The following SLC10A7 variants were observed in gnomAD, a reference collection of about 807,000 sequenced individuals.
The protein encoded by SLC10A7 is sodium/bile acid cotransporter 7.
SLC10A7 carries 29 observed loss-of-function variants against 43.2 expected under a neutral mutation model. The observed-to-expected ratio is 0.67, with a 90% confidence interval of 0.50 to 0.92. The LOEUF is 0.92. Among genes scored for constraint, SLC10A7 ranks in the 40% least tolerant of loss-of-function variants. The probability of loss-of-function intolerance (pLI) is 0.00; values close to 1 mark genes in which losing one functional copy is unlikely to be tolerated. For missense variants in SLC10A7, 295 were observed against 403.2 expected (o/e 0.73, Z 2.30); for synonymous variants, 152 against 144.8 (o/e 1.05, Z -0.35).
chr4:146,514,542 A>C (rs933889756), intron 2 of SLC10A7: 2 of 152,232 alleles, frequency 1.3e-5, no homozygotes, highest in Admixed American at 6.5e-5. Flanking sequence ...TATAATTTTA[A>C]CAAATTACTA....
At chr4:146,303,990 C>A (rs981181988) in intron 7 of SLC10A7, among the ~76,000 whole-genome samples, 13 of 151,362 alleles carry the variant, frequency 8.6e-5, no homozygotes, top group African/African-American at 3.2e-4. Context: ...TAATGTACTG[C>A]TTTCCTAAGA....
chr4:146,517,212 C>T, intron 1 of SLC10A7, 92 bp from the exon 2 acceptor site: 2 of 1,053,612 alleles, frequency 1.9e-6, no homozygotes, highest in Admixed American at 2.2e-5. Flanking sequence ...CCTGTAATCC[C>T]AGCACTTTGG....
chr4:146,469,137 C>G (rs560805635), intron 4 of SLC10A7, among the ~76,000 whole-genome samples: 2 of 152,238 alleles, frequency 1.3e-5, no homozygotes, highest in Admixed American at 1.3e-4. Context: ...CGAACAAACC[C>G]CTCTGTCAAG....
intron 5 of SLC10A7, among the ~76,000 whole-genome samples, chr4:146,439,203 T>C (rs1347243044): frequency 6.6e-6 from 1 of 152,040 alleles, no homozygotes; most frequent in Admixed American, 6.6e-5. Context: ...CCTAGATACA[T>C]TAAAAACAAT....
rs537862500 is a variant in SLC10A7 at position 146,438,795 on chromosome 4, T to C, written c.435+3988A>G. Among the ~76,000 whole-genome samples the C allele has an allele frequency of 2.4e-3, 359 of 152,122 alleles. 3 individuals are homozygous for C. Among genetic ancestry groups the C allele is most frequent in the African/African-American group, 8.3e-3 (343 of 41,560 alleles). On this transcript the variant is annotated intron_variant, in intron 5 of 11. Coordinates refer to ENST00000335472, the MANE Select transcript of SLC10A7 (RefSeq NM_001029998.6). Reference sequence around the variant, plus strand: ...TTTGGCGAATTTGTTTTCAACACAATTGAATCTTTTGAAATTAAAGAAAAA... The same window carrying C: ...TTTGGCGAATTTGTTTTCAACACAACTGAATCTTTTGAAATTAAAGAAAAA...
At chr4:146,366,252 G>C (rs1397277697) in intron 5 of SLC10A7, among the ~76,000 whole-genome samples, 1 of 152,130 alleles carries the variant, frequency 6.6e-6, no homozygotes, top group Non-Finnish European at 1.5e-5. Context: ...AAATTTTTCT[G>C]ATTTTTTAAA....
intron 6 of SLC10A7, among the ~76,000 whole-genome samples, chr4:146,318,540 C>T (rs903188247): frequency 1.3e-5 from 2 of 152,046 alleles, no homozygotes; most frequent in Admixed American, 1.3e-4. Flanking sequence ...AGTGTCCTAG[C>T]ACTTGATCCT....
rs951491965 is a variant in SLC10A7 at position 146,280,976 on chromosome 4, A to G, written c.847+2216T>C. On this transcript the variant is annotated intron_variant, in intron 10 of 11. Transcript: ENST00000335472. ...CAAGACAGCCTATGTCTATCATGTT[A>G]TGAAAGTAGCTAAGGATTACATAGA... Among the ~76,000 whole-genome samples, 10 of 152,294 alleles carry G rather than the reference A, an allele frequency of 6.6e-5. No individual in the cohort carries two copies. In the East Asian group the frequency reaches 1.9e-3, roughly 29 times the overall value.
chr4:146,446,296 G>A (rs1333000558), intron 4 of SLC10A7, among the ~76,000 whole-genome samples: 2 of 152,090 alleles, frequency 1.3e-5, no homozygotes, highest in African/African-American at 2.4e-5. Flanking sequence ...GAAATGACTG[G>A]CTGGGCATGG....
chr4:146,480,085 T>C (rs1290060678), intron 4 of SLC10A7, among the ~76,000 whole-genome samples: 1 of 152,124 alleles, frequency 6.6e-6, no homozygotes, highest in Non-Finnish European at 1.5e-5. Context: ...ATTCTTAATA[T>C]TAATGTGTAT....
chr4:146,448,243 A>T (rs1731280773), intron 4 of SLC10A7, among the ~76,000 whole-genome samples: 1 of 151,962 alleles, frequency 6.6e-6, no homozygotes, highest in Non-Finnish European at 1.5e-5. Flanking sequence ...AAATAAAAAA[A>T]ATTTTAAAAA....
At chr4:146,384,675 A>G (rs895978739) in intron 5 of SLC10A7, among the ~76,000 whole-genome samples, 4 of 152,084 alleles carry the variant, frequency 2.6e-5, no homozygotes, top group African/African-American at 9.7e-5. Flanking sequence ...TAGAAATATA[A>G]AATCAGAATA....
chr4:146,377,944 C>T (rs928949898), intron 5 of SLC10A7, among the ~76,000 whole-genome samples: 2 of 152,176 alleles, frequency 1.3e-5, no homozygotes, highest in African/African-American at 2.4e-5. Context: ...GAAACCCAGT[C>T]ATCAAAACTA....
intron 5 of SLC10A7, among the ~76,000 whole-genome samples, chr4:146,340,117 A>G (rs1411223437): frequency 1.3e-5 from 2 of 151,846 alleles, no homozygotes; most frequent in African/African-American, 2.4e-5. Context: ...GTTTATTTTT[A>G]TTAAATATCA....
At chr4:146,347,584 T>G (rs1734711579) in intron 5 of SLC10A7, among the ~76,000 whole-genome samples, 1 of 152,218 alleles carries the variant, frequency 6.6e-6, no homozygotes, top group Non-Finnish European at 1.5e-5. Flanking sequence ...TGCTTTGTTC[T>G]CTGAAGAATA....
rs115740097 is a variant in SLC10A7 at position 146,511,517 on chromosome 4, C to T, written c.184-1468G>A. 8.6e-3 allele frequency among the ~76,000 whole-genome samples: 1,317 copies of T among 152,292 alleles called. 19 individuals are homozygous for T. Among genetic ancestry groups the T allele is most frequent in the African/African-American group, 0.03 (1,257 of 41,542 alleles). On this transcript the variant is annotated intron_variant, in intron 2 of 11. Transcript: ENST00000335472. ...AAGTTTATCAGTTTAATCAACAGTA[C>T]GTTAATGCAGACTCATTCGCTCATC...
intron 5 of SLC10A7, among the ~76,000 whole-genome samples, chr4:146,441,137 A>G (rs1383927803): frequency 4.6e-5 from 7 of 152,158 alleles, no homozygotes; most frequent in African/African-American, 1.2e-4. Context: ...ATCAATAAAT[A>G]CTTTTGATCA....
chr4:146,288,242 G>A (rs1256041669), intron 9 of SLC10A7, among the ~76,000 whole-genome samples: 3 of 152,202 alleles, frequency 2.0e-5, no homozygotes, highest in African/African-American at 7.2e-5. Flanking sequence ...TAGGACTGGA[G>A]CGCTGTATCG....
At chr4:146,256,580 C>A in intron 11 of SLC10A7, 60 bp from the exon 12 acceptor site, 1 of 1,533,222 alleles carries the variant, frequency 6.5e-7, no homozygotes, top group Non-Finnish European at 9.0e-7. Flanking sequence ...GTGAAAGCAT[C>A]AATTAACACC....
Sources: gnomAD v4.1 joint callset for allele counts (sites outside exome capture counted in the v4.1 genomes callset) on GRCh38, gnomAD v4.1.1 for gene constraint, MANE v1.5 for transcripts, NCBI Gene and HGNC (gene_info 2026-07-23, HGNC 2026-07-21) for gene names.